VRK2: variants seen among roughly 807,000 people sequenced by gnomAD.
VRK2 encodes the protein VRK serine/threonine kinase 2.
In VRK2, 60 loss-of-function variants were observed where a neutral mutation model predicts 57.6. The observed-to-expected ratio is 1.04, with a 90% CI of 0.85 to 1.29. The LOEUF (loss-of-function observed/expected upper bound fraction) is 1.29. VRK2 is among the 50% of genes most tolerant of loss of function. The pLI, the probability that VRK2 is intolerant of heterozygous loss-of-function variation, is 0.00. For missense variants in VRK2, 705 were observed against 588.1 expected (o/e 1.20, Z -2.06); for synonymous variants, 231 against 199.2 (o/e 1.16, Z -1.35).
rs186166323 is a variant in VRK2 at position 57,984,517 on chromosome 2, G to A, written c.-438-41148G>A. 2.4e-3 allele frequency among the ~76,000 whole-genome samples: 365 copies of A among 152,190 alleles called. 2 individuals are homozygous for A. The highest frequency in any genetic ancestry group is 0.02 in the Admixed American group (308 of 15,302). ...AGTGCTAAAAGGCATTGTATTTTTA[G>A]CTAACTATGGCACACACTTTTAAAA... is the stretch of plus-strand genomic sequence containing the variant. On this transcript the variant is annotated intron_variant, in intron 1 of 15. Coordinates refer to the VRK2 transcript ENST00000417641.
chr2:57,980,650 T>A (rs1672393282), intron 1 of VRK2, among the ~76,000 whole-genome samples: 1 of 152,190 alleles, frequency 6.6e-6, no homozygotes, highest in African/African-American at 2.4e-5. Context: ...ATTTCCACTA[T>A]TATTGTGTGG....
At position 58,084,075 on chromosome 2, in the gene VRK2, T is replaced by G. The variant is rs1252885212; in HGVS notation, c.137-14T>G. 6.2e-7 allele frequency: 1 copy of G among 1,604,166 alleles called. No homozygotes were observed. The highest frequency in any genetic ancestry group is 8.5e-7 in the Non-Finnish European group (1 of 1,174,292). On this transcript the variant is annotated splice_polypyrimidine_tract_variant and intron_variant, in intron 2 of 12. Coordinates refer to ENST00000340157, the MANE Select transcript of VRK2 (RefSeq NM_006296.7). Reference sequence around the variant, plus strand: ...TAACTATTTTTCTCCATTGTGTGTTTTTTTTGTCTGCAGCTTTCCCCACAA... The same window carrying G: ...TAACTATTTTTCTCCATTGTGTGTTGTTTTTGTCTGCAGCTTTCCCCACAA...
intron 7 of VRK2, among the ~76,000 whole-genome samples, chr2:58,111,564 C>CA (rs371495836): frequency 1.3e-5 from 2 of 151,646 alleles, no homozygotes; most frequent in African/African-American, 2.4e-5. Flanking sequence ...CCAGCCCAGG[C>CA]AAAAAAGTGA....
intron 1 of VRK2, among the ~76,000 whole-genome samples, chr2:57,979,867 G>A (rs1286579539): frequency 6.6e-6 from 1 of 152,102 alleles, no homozygotes; most frequent in East Asian, 1.9e-4. Context: ...TTGTATTTCT[G>A]TAGGATTTGT....
chr2:57,949,662 C>G (rs1218289191), intron 1 of VRK2, among the ~76,000 whole-genome samples: 1 of 152,086 alleles, frequency 6.6e-6, no homozygotes, highest in Admixed American at 6.6e-5. Context: ...CCTACAATGG[C>G]CTCTAAGCAT....
intron 2 of VRK2, among the ~76,000 whole-genome samples, chr2:58,070,406 TTACAGTCTCA>T: frequency 6.6e-6 from 1 of 152,258 alleles, no homozygotes; most frequent in Non-Finnish European, 1.5e-5. Context: ...GTGTCCACCA[TTACAGTCTCA>T]TACAGACTAA....
At chr2:58,133,348 AT>A (rs1679497134) in intron 9 of VRK2, among the ~76,000 whole-genome samples, 1 of 152,176 alleles carries the variant, frequency 6.6e-6, no homozygotes, top group Admixed American at 6.6e-5. Context: ...TTTTGACTTG[AT>A]TAATAATGTA....
intron 1 of VRK2, among the ~76,000 whole-genome samples, chr2:57,999,856 C>A (rs993641102): frequency 4.7e-4 from 71 of 152,222 alleles, no homozygotes; most frequent in African/African-American, 1.7e-3. Context: ...GTATTAAAAA[C>A]TATTATAGCC....
chr2:57,941,295 A>T (rs911808045), intron 1 of VRK2, among the ~76,000 whole-genome samples: 1 of 152,238 alleles, frequency 6.6e-6, no homozygotes, highest in Non-Finnish European at 1.5e-5. Context: ...AGAGTGACAT[A>T]TAAGTTCTAC....
chr2:57,944,528 A>G (rs1291089074), intron 1 of VRK2, among the ~76,000 whole-genome samples: 1 of 152,200 alleles, frequency 6.6e-6, no homozygotes, highest in Non-Finnish European at 1.5e-5. Context: ...CGACGTCAGG[A>G]GATCAAGACC....
intron 1 of VRK2, among the ~76,000 whole-genome samples, chr2:57,990,722 G>A (rs1672737681): frequency 6.6e-6 from 1 of 152,166 alleles, no homozygotes; most frequent in African/African-American, 2.4e-5. Context: ...TTGTGAAAAT[G>A]AGAGAAGTAT....
At chr2:58,105,448 C>T (rs936399007) in intron 7 of VRK2, among the ~76,000 whole-genome samples, 1 of 151,936 alleles carries the variant, frequency 6.6e-6, no homozygotes, top group East Asian at 1.9e-4. Context: ...GGAAAAAATG[C>T]TCAACATCAC....
chr2:57,956,752 A>T (rs1175941819), intron 1 of VRK2, among the ~76,000 whole-genome samples: 2 of 152,162 alleles, frequency 1.3e-5, no homozygotes, highest in Admixed American at 1.3e-4. Context: ...GCAATTTTTC[A>T]ATAAGAATAT....
At chr2:57,920,254 G>A (rs1304841277) in intron 1 of VRK2, among the ~76,000 whole-genome samples, 1 of 152,102 alleles carries the variant, frequency 6.6e-6, no homozygotes, top group Non-Finnish European at 1.5e-5. Context: ...TCAGCCCAGA[G>A]CACAATGTCT....
In VRK2 at chr2:58,140,917, C is replaced by A. The variant is rs141867472; in HGVS notation, c.1023+1085C>A. 5.5e-3 allele frequency among the ~76,000 whole-genome samples: 835 copies of A among 152,112 alleles called. 10 individuals are homozygous for A. The highest frequency in any genetic ancestry group is 0.019 in the African/African-American group (776 of 41,534). On this transcript the variant is annotated intron_variant, in intron 11 of 12. Transcript: ENST00000340157. ...ATCTGTTTGAGGAGGTTTTGCATGG[C>A]TAATTAACTACCAGTGAGAATATGT...
intron 1 of VRK2, among the ~76,000 whole-genome samples, chr2:57,919,104 A>G (rs1300998544): frequency 1.3e-5 from 2 of 152,120 alleles, no homozygotes; most frequent in Non-Finnish European, 2.9e-5. Flanking sequence ...ATTCTGCAAT[A>G]AATCCTGTAT....
chr2:58,122,437 G>A (rs1008599149), intron 7 of VRK2, among the ~76,000 whole-genome samples: 3 of 151,946 alleles, frequency 2.0e-5, no homozygotes, highest in Non-Finnish European at 2.9e-5. Flanking sequence ...TATACATACC[G>A]TATTCTTACA....
chr2:58,036,470 A>G (rs534311083), intron 3 of VRK2, among the ~76,000 whole-genome samples: 1 of 152,058 alleles, frequency 6.6e-6, no homozygotes, highest in Admixed American at 6.6e-5. Context: ...ATAGGTAAAA[A>G]GTACCATAGG....
intron 2 of VRK2, among the ~76,000 whole-genome samples, chr2:58,083,654 G>C (rs1270391153): frequency 6.6e-6 from 1 of 151,716 alleles, no homozygotes; most frequent in Non-Finnish European, 1.5e-5. Context: ...TTTTATTTCT[G>C]AATCATTATG....
Sources: allele counts gnomAD v4.1 joint callset (sites outside exome capture counted in the v4.1 genomes callset), GRCh38; gene constraint gnomAD v4.1.1; transcripts MANE v1.5; gene names NCBI Gene and HGNC (gene_info 2026-07-23, HGNC 2026-07-21).